Variants in SPTAN1 observed in about 807,000 individuals in gnomAD.
The protein encoded by SPTAN1 is spectrin alpha chain, non-erythrocytic 1.
A neutral mutation model predicts 331.3 loss-of-function variants in SPTAN1; 61 were observed. The ratio of observed to expected loss-of-function variants is 0.18; its 90% CI spans 0.15 to 0.23. The LOEUF (loss-of-function observed/expected upper bound fraction) is 0.23, where lower values mean the gene tolerates loss of function less well. Among genes scored for constraint, SPTAN1 ranks in the 10% least tolerant of loss-of-function variants. The pLI is 1.00. For missense variants in SPTAN1, 2,043 were observed against 3,147.9 expected (o/e 0.65, Z 8.40); for synonymous variants, 1,153 against 1,173.9 (o/e 0.98, Z 0.36).
In SPTAN1 at chr9:128,581,167, C is replaced by A. The variant is rs894264417; in HGVS notation, c.1461+108C>A. The A allele has an allele frequency of 1.0e-5, 15 of 1,469,946 alleles. No homozygotes were observed. The South Asian group carries it at 1.7e-4, about 17-fold the overall frequency. The allele number at this position is 1,469,946 out of a possible 1,614,324, so 91.1% of individuals were successfully genotyped here. A position where few individuals can be genotyped will look rare whatever the true frequency, so the allele number is the denominator to read the frequency against. ...TTAGGACATCAGTACCATGTTAGTT[C>A]TGAATCCATTGAAGAGGGGGAATTG... On this transcript the variant is annotated intron_variant, in intron 11 of 56. Coordinates refer to ENST00000372739, the MANE Select transcript of SPTAN1 (RefSeq NM_001130438.3).
chr9:128,597,969 A>G (rs1854537700), intron 24 of SPTAN1, among the ~76,000 whole-genome samples: 1 of 143,204 alleles, frequency 7.0e-6, no homozygotes, highest in Non-Finnish European at 1.5e-5. Flanking sequence ...TGTTTTTGAG[A>G]TGGAGTTTCG....
In SPTAN1 at chr9:128,625,074, C is replaced by A. The variant is rs1036450477; in HGVS notation, c.5993-29C>A. On this transcript the variant is annotated intron_variant, in intron 46 of 56. Transcript: ENST00000372739. This position sits in a 1 kb window ranked among gnomAD's most constrained non-coding sequence, Gnocchi z 4.1. ...TCTAATCCATCTCCACTGAGGAGGG[C>A]AGTATATTTTCCACACTTCGTTTTC... 8 of 1,600,674 alleles carry A rather than the reference C, an allele frequency of 5.0e-6. No individual in the cohort carries two copies. Among genetic ancestry groups the A allele is most frequent in the Non-Finnish European group, 6.8e-6 (8 of 1,168,126 alleles).
chr9:128,596,666 G>C (rs939636887), intron 24 of SPTAN1: 3 of 152,178 alleles, frequency 2.0e-5, no homozygotes, highest in African/African-American at 7.2e-5. Context: ...TTCTCCTATA[G>C]TAACTGTGCA....
chr9:128,606,970 A>T (rs1223684109), intron 31 of SPTAN1, among the ~76,000 whole-genome samples: 2 of 151,726 alleles, frequency 1.3e-5, no homozygotes, highest in African/African-American at 4.8e-5. Flanking sequence ...TCTCTTCCCC[A>T]CCCACTAGGA....
chr9:128,629,047 C>CTTT lies in SPTAN1; in HGVS notation c.6707+1106_6707+1108dup, dbSNP rs1859243608. 2.5e-6 allele frequency: 1 copy of CTTT among 398,114 alleles called. No homozygotes were observed. The highest frequency in any genetic ancestry group is 2.1e-5 in the African/African-American group (1 of 48,606). The allele number at this position is 398,114 out of a possible 1,614,324, so 24.7% of individuals were successfully genotyped here. The stretch of plus-strand genomic sequence containing the variant: ...CTTGCCTGCGCCCTGCCAGCTTGGG[C>CTTT]TTTGTGTGTGTCTGTTGCAGTGTGC... On this transcript the variant is annotated intron_variant, in intron 51 of 56. Coordinates refer to ENST00000372739, the MANE Select transcript of SPTAN1 (RefSeq NM_001130438.3). This position sits in a 1 kb window ranked among gnomAD's most constrained non-coding sequence, Gnocchi z 4.9.
intron 2 of SPTAN1, among the ~76,000 whole-genome samples, chr9:128,568,382 A>G (rs1475747947): frequency 1.3e-5 from 2 of 152,230 alleles, no homozygotes; most frequent in Admixed American, 1.3e-4. Context: ...TGGATTTTTC[A>G]AGAGTAAGCA....
chr9:128,585,531 G>A (rs2131187866), intron 18 of SPTAN1, among the ~76,000 whole-genome samples: 1 of 152,212 alleles, frequency 6.6e-6, no homozygotes, highest in East Asian at 1.9e-4. Context: ...GCTTCTTAGA[G>A]TCTAGATAGA....
At chr9:128,604,854 C>T (rs572632348) in intron 29 of SPTAN1, among the ~76,000 whole-genome samples, 180 bp from the exon 30 acceptor site, 1 of 152,110 alleles carries the variant, frequency 6.6e-6, no homozygotes, top group South Asian at 2.1e-4. Context: ...TCACTTGAAC[C>T]CGGTGGGGGC....
intron 27 of SPTAN1, among the ~76,000 whole-genome samples, chr9:128,602,230 T>G (rs1855259896): frequency 6.6e-6 from 1 of 151,460 alleles, no homozygotes; most frequent in Non-Finnish European, 1.5e-5. Context: ...TGTTTTTTTT[T>G]TTTTGAGACA....
chr9:128,578,835 GAAAAA>G (rs10600950), intron 9 of SPTAN1, among the ~76,000 whole-genome samples: 9 of 119,236 alleles, frequency 7.5e-5, no homozygotes, highest in Admixed American at 7.1e-4. Flanking sequence ...CTGTCTCAAA[GAAAAA>G]AAAAAAAAAA....
rs1554756995 is a variant in SPTAN1, at chr9:128,606,499, G to GA, written c.4046+1022_4046+1023insA. ...TATATATATATATATTTTTTTTTTG[G>GA]GGGGGGAAGCGTTTCGCTTTTGTGC... On this transcript the variant is annotated intron_variant, in intron 31 of 56. Transcript: ENST00000372739. 2.1e-5 allele frequency among the ~76,000 whole-genome samples: 3 copies of GA among 145,494 alleles called. No individual in the cohort carries two copies. The East Asian group carries it at 6.1e-4, about 29-fold the overall frequency.
intron 3 of SPTAN1, among the ~76,000 whole-genome samples, chr9:128,573,999 C>T (rs924411605): frequency 2.6e-5 from 4 of 152,120 alleles, no homozygotes; most frequent in African/African-American, 9.7e-5. Context: ...GTGCTCTGCC[C>T]GCCTCGGCCT....
rs144381596 is a variant in SPTAN1 at position 128,587,515 on chromosome 9, G to C, written c.2779-91G>C. The C allele has an allele frequency of 2.5e-4, 246 of 968,956 alleles. 1 individual carries two copies. In the East Asian group the frequency reaches 5.6e-3, roughly 22 times the overall value. The allele number at this position is 968,956 out of a possible 1,614,324, so 60.0% of individuals were successfully genotyped here. A position where few individuals can be genotyped will look rare whatever the true frequency, so the allele number is the denominator to read the frequency against. ...TTACGTCATTGTGCAACTGAGAAAGGCTGTTGAGGCAGGATGGCAGGTTGG... is the reference window on the plus strand; with the variant it reads ...TTACGTCATTGTGCAACTGAGAAAGCCTGTTGAGGCAGGATGGCAGGTTGG... On this transcript the variant is annotated intron_variant, in intron 19 of 56. Coordinates refer to ENST00000372739, the MANE Select transcript of SPTAN1 (RefSeq NM_001130438.3).
At chr9:128,559,060 T>C (rs193271808) in intron 1 of SPTAN1, among the ~76,000 whole-genome samples, 30 of 152,298 alleles carry the variant, frequency 2.0e-4, no homozygotes, top group Admixed American at 1.3e-3. Flanking sequence ...TTCTGAATGC[T>C]GACTGCAGTG....
At chr9:128,568,980 C>T (rs977069216) in intron 3 of SPTAN1, 83 bp downstream of exon 3, 9 of 1,585,362 alleles carry the variant, frequency 5.7e-6, no homozygotes, top group Non-Finnish European at 7.8e-6. Context: ...GTTTGGGTTC[C>T]CAAAAAGATA....
intron 24 of SPTAN1, chr9:128,595,769 T>C (rs1326660629): frequency 6.6e-6 from 1 of 152,186 alleles, no homozygotes; most frequent in African/African-American, 2.4e-5. Flanking sequence ...CAGATTTACC[T>C]ATTCTGGACA....
rs1159048118 is a variant in SPTAN1 at position 128,560,064 on chromosome 9, T to TA, written c.-3-6673dup. ...ATTTTGATTTTTAAGAAATGATTAATACATCCACATCCACCTCACCTTTTT... is the reference window on the plus strand; with the variant it reads ...ATTTTGATTTTTAAGAAATGATTAATAACATCCACATCCACCTCACCTTTTT... On this transcript the variant is annotated intron_variant, in intron 1 of 56. Transcript: ENST00000372739. 2.1e-5 allele frequency among the ~76,000 whole-genome samples: 3 copies of TA among 144,216 alleles called. No individual in the cohort carries two copies. In the East Asian group the frequency reaches 6.2e-4, roughly 30 times the overall value. The allele number at this position is 144,216 out of a possible 152,430, so 94.6% of individuals were successfully genotyped here. A position where few individuals can be genotyped will look rare whatever the true frequency, so the allele number is the denominator to read the frequency against.
intron 41 of SPTAN1, 74 bp from the exon 42 acceptor site, chr9:128,617,566 A>G: frequency 1.9e-6 from 3 of 1,608,312 alleles, no homozygotes. Flanking sequence ...TGAGGTCCAC[A>G]GTTGACCTGA....
intron 41 of SPTAN1, among the ~76,000 whole-genome samples, chr9:128,616,697 G>A (rs1028494179): frequency 3.3e-5 from 5 of 151,828 alleles, no homozygotes; most frequent in Non-Finnish European, 7.4e-5. Context: ...AACCAGGGAG[G>A]CGGAGGTTGC....
Sources: allele counts gnomAD v4.1 joint callset (sites outside exome capture counted in the v4.1 genomes callset), GRCh38; gene constraint gnomAD v4.1.1; non-coding constraint Gnocchi (gnomAD v3.1); transcripts MANE v1.5; gene names NCBI Gene and HGNC (gene_info 2026-07-23, HGNC 2026-07-21).